The following PLEKHA5 variants were observed in gnomAD, a reference collection of about 807,000 sequenced individuals.
The protein encoded by PLEKHA5 is pleckstrin homology domain-containing family A member 5.
A neutral mutation model predicts 181.9 loss-of-function variants in PLEKHA5; 55 were observed. That is an observed-to-expected ratio of 0.30 (90% CI 0.24 to 0.38). PLEKHA5 has a LOEUF of 0.38. Ranked by LOEUF, PLEKHA5 falls within the 10% of genes least tolerant of loss-of-function variation. PLEKHA5 has a pLI of 1.00. For missense variants in PLEKHA5, 1,432 were observed against 1,549.5 expected (o/e 0.92, Z 1.27); for synonymous variants, 535 against 529.4 (o/e 1.01, Z -0.15).
chr12:19,231,197 AC>A (rs1007607411), intron 3 of PLEKHA5, among the ~76,000 whole-genome samples: 2 of 152,100 alleles, frequency 1.3e-5, no homozygotes, highest in African/African-American at 2.4e-5. Flanking sequence ...TGATAATGAA[AC>A]TGGTAACACT....
intron 11 of PLEKHA5, among the ~76,000 whole-genome samples, chr12:19,279,859 A>G (rs2075613829): frequency 6.6e-6 from 1 of 151,760 alleles, no homozygotes; most frequent in Non-Finnish European, 1.5e-5. Context: ...CTGTTTTCCC[A>G]CTATATCCCC....
At chr12:19,196,459 A>G (rs2052762119) in intron 3 of PLEKHA5, among the ~76,000 whole-genome samples, 1 of 152,220 alleles carries the variant, frequency 6.6e-6, no homozygotes, top group South Asian at 2.1e-4. Flanking sequence ...AATAAAAAAT[A>G]TCATATCTAG....
intron 3 of PLEKHA5, among the ~76,000 whole-genome samples, chr12:19,231,809 A>G (rs1046505524): frequency 6.6e-6 from 1 of 151,812 alleles, no homozygotes; most frequent in Non-Finnish European, 1.5e-5. Context: ...TTTATACTAC[A>G]TTTGTTGCAT....
chr12:19,279,553 C>A, intron 11 of PLEKHA5, among the ~76,000 whole-genome samples: 1 of 151,844 alleles, frequency 6.6e-6, no homozygotes. Context: ...ATCACAGCTA[C>A]TCGGGAGGCT....
At chr12:19,360,763 C>T (rs1208729391) in intron 28 of PLEKHA5, among the ~76,000 whole-genome samples, 2 of 59,806 alleles carry the variant, frequency 3.3e-5, no homozygotes, top group Non-Finnish European at 1.9e-4. Flanking sequence ...TATGCACCAT[C>T]TCTTTTTTTT....
intron 31 of PLEKHA5, chr12:19,370,882 T>C (rs2095558093): frequency 6.6e-6 from 1 of 151,836 alleles, no homozygotes. Flanking sequence ...ATAGAGACAG[T>C]CTTACTAAGT....
chr12:19,283,237 A>G, intron 11 of PLEKHA5, 43 bp from the exon 12 acceptor site: 146 of 953,436 alleles, frequency 1.5e-4, no homozygotes, highest in Non-Finnish European at 2.1e-4. Context: ...TTTGGAAAAT[A>G]ACCCTCCTTC....
rs547818235 is a variant in PLEKHA5, at chr12:19,239,321, A to G, written c.228-14619A>G. Among the ~76,000 whole-genome samples, 4 of 152,264 alleles carry G rather than the reference A, an allele frequency of 2.6e-5. No homozygotes were observed. The East Asian group carries it at 7.7e-4, about 29-fold the overall frequency. ...CTCCAGAGTGAAATATTGCCATCAC[A>G]GTGTCCTGTAGTGGCCATTGGATTT... is the stretch of plus-strand genomic sequence containing the variant. On this transcript the variant is annotated intron_variant, in intron 3 of 31. Transcript: ENST00000429027.
chr12:19,179,823 A>G (rs1484687373), intron 3 of PLEKHA5, among the ~76,000 whole-genome samples: 2 of 152,208 alleles, frequency 1.3e-5, no homozygotes, highest in African/African-American at 2.4e-5. Context: ...ACACACAATA[A>G]TAACCTTTTT....
intron 15 of PLEKHA5, among the ~76,000 whole-genome samples, chr12:19,312,948 C>T (rs2087098417): frequency 1.3e-5 from 2 of 152,082 alleles, no homozygotes; most frequent in East Asian, 1.9e-4. Flanking sequence ...TTCACTTGCA[C>T]TGTTAGAAGC....
intron 3 of PLEKHA5, among the ~76,000 whole-genome samples, chr12:19,169,128 T>C (rs11611290): frequency 2.0e-5 from 3 of 152,180 alleles, no homozygotes; most frequent in African/African-American, 7.2e-5. Context: ...AATGGAAAAA[T>C]CAGCAATTGG....
intron 3 of PLEKHA5, among the ~76,000 whole-genome samples, chr12:19,187,393 A>G (rs987633019): frequency 2.0e-5 from 3 of 152,318 alleles, no homozygotes; most frequent in Admixed American, 2.0e-4. Flanking sequence ...GTTCTGGCTC[A>G]GGTTCTCTTA....
At chr12:19,220,256 G>T (rs549452747) in intron 3 of PLEKHA5, among the ~76,000 whole-genome samples, 1 of 151,246 alleles carries the variant, frequency 6.6e-6, no homozygotes, top group Non-Finnish European at 1.5e-5. Context: ...ATGTGTTCAT[G>T]GAATGCAGTT....
chr12:19,230,989 A>G (rs2060455169), intron 3 of PLEKHA5, among the ~76,000 whole-genome samples: 1 of 152,162 alleles, frequency 6.6e-6, no homozygotes. Flanking sequence ...GCAGAGATAG[A>G]ATTGTCTTTT....
chr12:19,349,892 C>T (rs188803697), intron 25 of PLEKHA5, among the ~76,000 whole-genome samples: 110 of 152,240 alleles, frequency 7.2e-4, no homozygotes, highest in African/African-American at 2.5e-3. Context: ...GCGGGCAGAT[C>T]GCAAGGTCAG....
chr12:19,167,014 A>T lies in PLEKHA5; in HGVS notation c.227+34564A>T, dbSNP rs147449395. Among the ~76,000 whole-genome samples the T allele has an allele frequency of 2.1e-3, 321 of 152,322 alleles. 2 individuals carry two copies. Among genetic ancestry groups the T allele is most frequent in the African/African-American group, 7.4e-3 (306 of 41,572 alleles). ...GAGACAGATGATAACTACTCCCTGT[A>T]GACTTAACACTTCATTAGCAAACTA... On this transcript the variant is annotated intron_variant, in intron 3 of 31. Coordinates refer to ENST00000429027, the MANE Select transcript of PLEKHA5 (RefSeq NM_001256470.2).
chr12:19,306,366 G>T, intron 15 of PLEKHA5: 1 of 486,044 alleles, frequency 2.1e-6, no homozygotes, highest in Non-Finnish European at 4.0e-6. Flanking sequence ...TCTCCAACTA[G>T]CGTGCTCTCT....
rs144853907 is a variant in PLEKHA5, at chr12:19,154,345, A to G, written c.227+21895A>G. On this transcript the variant is annotated intron_variant, in intron 3 of 31. Coordinates refer to ENST00000429027, the MANE Select transcript of PLEKHA5 (RefSeq NM_001256470.2). The stretch of plus-strand genomic sequence containing the variant: ...ATAGTCAACTTATGATTGTTGGTAT[A>G]TTTAGGTTTATTTATACCTTATTTT... The G allele has an allele frequency of 4.6e-3, 699 of 152,114 alleles. 5 individuals are homozygous for G. The highest frequency in any genetic ancestry group is 0.016 in the African/African-American group (668 of 41,498). 9.4% of individuals were successfully genotyped at this position (152,114 alleles called of 1,614,324 possible). A position where few individuals can be genotyped will look rare whatever the true frequency, so the allele number is the denominator to read the frequency against.
At chr12:19,214,506 T>TAC (rs1209914466) in intron 3 of PLEKHA5, among the ~76,000 whole-genome samples, 3 of 152,066 alleles carry the variant, frequency 2.0e-5, no homozygotes, top group Non-Finnish European at 2.9e-5. Flanking sequence ...TTTCAGCTGG[T>TAC]ACATAGGAGC....
Sources: gnomAD v4.1 joint callset for allele counts (sites outside exome capture counted in the v4.1 genomes callset) on GRCh38, gnomAD v4.1.1 for gene constraint, MANE v1.5 for transcripts, NCBI Gene and HGNC (gene_info 2026-07-23, HGNC 2026-07-21) for gene names.